The following MYO1D variants were observed in gnomAD, a reference collection of about 807,000 sequenced individuals.
The protein encoded by MYO1D is unconventional myosin-Id.
In MYO1D, 83 loss-of-function variants were observed where a neutral mutation model predicts 122.0. The ratio of observed to expected loss-of-function variants is 0.68; its 90% CI spans 0.57 to 0.82. The LOEUF (loss-of-function observed/expected upper bound fraction) is 0.82. MYO1D is among the 40% of genes least tolerant of loss of function. The pLI is 0.00. For synonymous variants in MYO1D, 464 were observed against 446.9 expected (o/e 1.04, Z -0.48); for missense variants, 1,157 against 1,269.5 (o/e 0.91, Z 1.35).
intron 13 of MYO1D, among the ~76,000 whole-genome samples, chr17:32,741,055 G>C (rs2151004216): frequency 6.6e-6 from 1 of 151,820 alleles, no homozygotes; most frequent in Middle Eastern, 3.4e-3. Context: ...TAGAATCCAA[G>C]GAACATTGCT....
At chr17:32,629,429 A>G (rs184845907) in intron 20 of MYO1D, among the ~76,000 whole-genome samples, 35 of 152,252 alleles carry the variant, frequency 2.3e-4, no homozygotes, top group Non-Finnish European at 2.1e-4. Flanking sequence ...GTGACAAGAG[A>G]ATCCACTTAT....
At position 32,609,015 on chromosome 17, in the gene MYO1D, C is replaced by T. The variant is rs1159049809; in HGVS notation, c.2710-3774G>A. Among the ~76,000 whole-genome samples the T allele has an allele frequency of 5.9e-5, 9 of 152,110 alleles. No individual in the cohort carries two copies. The East Asian group carries it at 7.7e-4, about 13-fold the overall frequency. On this transcript the variant is annotated intron_variant, in intron 20 of 21. Transcript: ENST00000318217. ...CCAGGGTTTGGGGTTATGAGGAGTC[C>T]GATACAAGGGAGTTTTTGGGGTATG...
chr17:32,601,370 G>A (rs1045297779), intron 21 of MYO1D, among the ~76,000 whole-genome samples: 2 of 152,144 alleles, frequency 1.3e-5, no homozygotes, highest in Admixed American at 1.3e-4. Context: ...AGCCTGAGGA[G>A]AGGAAGAGAG....
chr17:32,791,232 C>T (rs2090347295), intron 1 of MYO1D, among the ~76,000 whole-genome samples: 1 of 151,924 alleles, frequency 6.6e-6, no homozygotes, highest in African/African-American at 2.4e-5. Context: ...GGCATGGTGG[C>T]ACGTGCCTGT....
intron 1 of MYO1D, 107 bp downstream of exon 1, chr17:32,876,671 C>T: frequency 1.1e-6 from 1 of 888,198 alleles, no homozygotes; most frequent in Non-Finnish European, 1.6e-6. Flanking sequence ...CGCCTCCATC[C>T]CTGGAGCTTG....
rs778305589 is a variant in MYO1D at position 32,772,764 on chromosome 17, A to C, written c.618+25T>G. Reference sequence around the variant, plus strand: ...TCCTGCACAACTGGGCAAATGATCAATTATCTGTATAATGGATTACTAACC... The same window carrying C: ...TCCTGCACAACTGGGCAAATGATCACTTATCTGTATAATGGATTACTAACC... On this transcript the variant is annotated intron_variant, in intron 5 of 21. Transcript: ENST00000318217. 3.8e-6 allele frequency: 6 copies of C among 1,573,766 alleles called. No individual in the cohort carries two copies. In the Admixed American group the frequency reaches 1.0e-4, roughly 26 times the overall value.
chr17:32,750,520 C>T (rs7208094), intron 11 of MYO1D, among the ~76,000 whole-genome samples: 5,461 of 151,984 alleles, frequency 0.036, 328 homozygotes, highest in African/African-American at 0.12. Context: ...GAGGCTGAGG[C>T]GGGAGAATAG....
chr17:32,790,315 C>T (rs866017900), intron 1 of MYO1D, among the ~76,000 whole-genome samples: 5 of 152,186 alleles, frequency 3.3e-5, no homozygotes, highest in African/African-American at 4.8e-5. Flanking sequence ...TCATCTCATG[C>T]CATCTACCTC....
At chr17:32,768,882 G>A (rs948008406) in intron 6 of MYO1D, among the ~76,000 whole-genome samples, 38 of 152,050 alleles carry the variant, frequency 2.5e-4, no homozygotes, top group African/African-American at 8.9e-4. Context: ...GAAAGTAACT[G>A]GATAAAATCT....
chr17:32,764,383 T>C (rs886141791), intron 8 of MYO1D, among the ~76,000 whole-genome samples: 1 of 152,188 alleles, frequency 6.6e-6, no homozygotes, highest in Non-Finnish European at 1.5e-5. Context: ...ATAATAATAC[T>C]AATAATATTG....
chr17:32,809,985 G>A (rs1423662601), intron 1 of MYO1D, among the ~76,000 whole-genome samples: 1 of 152,156 alleles, frequency 6.6e-6, no homozygotes, highest in Non-Finnish European at 1.5e-5. Flanking sequence ...AGTGGGAAAG[G>A]GCTAAGTAAA....
intron 1 of MYO1D, among the ~76,000 whole-genome samples, chr17:32,831,382 G>A (rs2090770288): frequency 6.6e-6 from 1 of 152,186 alleles, no homozygotes; most frequent in African/African-American, 2.4e-5. Flanking sequence ...ATAGCACTCA[G>A]GTAAGTCCTC....
chr17:32,710,440 A>G (rs972414554), intron 16 of MYO1D, among the ~76,000 whole-genome samples: 1 of 152,214 alleles, frequency 6.6e-6, no homozygotes, highest in African/African-American at 2.4e-5. Context: ...ATGAAGGTGG[A>G]TTCTAAATGA....
At chr17:32,539,709 A>T (rs909174402) in intron 21 of MYO1D, among the ~76,000 whole-genome samples, 4 of 152,196 alleles carry the variant, frequency 2.6e-5, no homozygotes, top group African/African-American at 9.7e-5. Flanking sequence ...ATCCAGGATA[A>T]TCTAATTTCG....
At chr17:32,810,004 G>T (rs2090555527) in intron 1 of MYO1D, among the ~76,000 whole-genome samples, 1 of 152,158 alleles carries the variant, frequency 6.6e-6, no homozygotes, top group Non-Finnish European at 1.5e-5. Flanking sequence ...AAGGGTGAAG[G>T]GAAAAGGCCA....
At chr17:32,781,846 T>A (rs1598094439) in intron 1 of MYO1D, among the ~76,000 whole-genome samples, 3 of 152,138 alleles carry the variant, frequency 2.0e-5, no homozygotes, top group Non-Finnish European at 2.9e-5. Context: ...AAAACCCATA[T>A]ATGTCCACTG....
intron 16 of MYO1D, among the ~76,000 whole-genome samples, chr17:32,685,898 T>G (rs745757110): frequency 6.6e-6 from 1 of 152,212 alleles, no homozygotes; most frequent in Non-Finnish European, 1.5e-5. Flanking sequence ...ATGACCTGCT[T>G]TGGCCAATGC....
chr17:32,860,573 T>C (rs185206431), intron 1 of MYO1D, among the ~76,000 whole-genome samples: 254 of 152,382 alleles, frequency 1.7e-3, no homozygotes, highest in African/African-American at 5.4e-3. Flanking sequence ...TTACTTCTTA[T>C]TTACATTGTA....
intron 6 of MYO1D, among the ~76,000 whole-genome samples, chr17:32,769,363 C>A (rs571127930): frequency 6.6e-6 from 1 of 152,294 alleles, no homozygotes; most frequent in Admixed American, 6.5e-5. Context: ...GGGTCCCTGA[C>A]AACATTGTTA....
Sources: gnomAD v4.1 joint callset for allele counts (sites outside exome capture counted in the v4.1 genomes callset) on GRCh38, gnomAD v4.1.1 for gene constraint, MANE v1.5 for transcripts, NCBI Gene and HGNC (gene_info 2026-07-23, HGNC 2026-07-21) for gene names.